The following ATG4B variants were observed in gnomAD, a reference collection of about 807,000 sequenced individuals.
ATG4B encodes the protein cysteine protease ATG4B.
In ATG4B, 29 loss-of-function variants were observed where a neutral mutation model predicts 56.6. The observed-to-expected ratio is 0.51, with a 90% CI of 0.38 to 0.70. The LOEUF is 0.70. Among genes scored for constraint, ATG4B ranks in the 30% least tolerant of loss-of-function variants. The pLI is 0.00. For synonymous variants in ATG4B, 224 were observed against 206.1 expected (o/e 1.09, Z -0.74); for missense variants, 461 against 515.5 (o/e 0.89, Z 1.02).
Position 241,668,349 on chromosome 2 carries a change from T to G in ATG4B, c.811+128T>G. ...AAAAGCAGCATGCCCTGGGGTTCAT[T>G]TTCAGCCTGGTCGCGGGCGGCCTCC... On this transcript the variant is annotated intron_variant, in intron 9 of 12. Coordinates refer to ENST00000404914, the MANE Select transcript of ATG4B (RefSeq NM_013325.5). The surrounding 1 kb of genome is among the most constrained non-coding windows in gnomAD (Gnocchi z 4.2). 7.2e-7 allele frequency: 1 copy of G among 1,392,570 alleles called. No individual in the cohort carries two copies. Among genetic ancestry groups the G allele is most frequent in the Non-Finnish European group, 9.9e-7 (1 of 1,006,596 alleles). The allele number at this position is 1,392,570 out of a possible 1,614,324, so 86.3% of individuals were successfully genotyped here. A position where few individuals can be genotyped will look rare whatever the true frequency, so the allele number is the denominator to read the frequency against.
chr2:241,660,191 G>A (rs921503021), intron 7 of ATG4B, among the ~76,000 whole-genome samples: 6 of 151,988 alleles, frequency 3.9e-5, no homozygotes, highest in Non-Finnish European at 5.9e-5. Context: ...TCCGTCCCCC[G>A]CCCCCCAAAA....
Position 241,668,376 on chromosome 2 carries a change from G to A in ATG4B, c.811+155G>A, listed in dbSNP as rs2068845715. ...TCAGCCTGGTCGCGGGCGGCCTCCT[G>A]TGTGCCCCTTTCCCTGATGGTCTGG... is the stretch of plus-strand genomic sequence containing the variant. On this transcript the variant is annotated intron_variant, in intron 9 of 12. Coordinates refer to ENST00000404914, the MANE Select transcript of ATG4B (RefSeq NM_013325.5). The surrounding 1 kb of genome is among the most constrained non-coding windows in gnomAD (Gnocchi z 4.2). The A allele has an allele frequency of 2.2e-6, 3 of 1,359,368 alleles. No homozygotes were observed. The highest frequency in any genetic ancestry group is 4.1e-5 in the Admixed American group (2 of 48,982). 84.2% of individuals were successfully genotyped at this position (1,359,368 alleles called of 1,614,324 possible).
intron 1 of ATG4B, among the ~76,000 whole-genome samples, chr2:241,647,299 G>C (rs767463202): frequency 2.2e-4 from 33 of 152,110 alleles, no homozygotes; most frequent in Non-Finnish European, 4.0e-4. Flanking sequence ...CAGCAAGATG[G>C]AATCATTGTC....
At chr2:241,669,428 C>T (rs1167975056) in intron 10 of ATG4B, among the ~76,000 whole-genome samples, 3 of 152,218 alleles carry the variant, frequency 2.0e-5, no homozygotes, top group African/African-American at 7.2e-5. Flanking sequence ...CCCCAGAGTG[C>T]ACACCACGCT....
chr2:241,654,419 TAAAAAAAAAA>T (rs201525288), intron 4 of ATG4B, 117 bp from the exon 5 acceptor site: 4 of 437,956 alleles, frequency 9.1e-6, no homozygotes, highest in South Asian at 4.8e-5. Context: ...AGACTCTGTT[TAAAAAAAAAA>T]AAAAAAAAAA....
chr2:241,664,968 AAAGTC>A (rs2068716478), intron 7 of ATG4B, among the ~76,000 whole-genome samples: 1 of 152,064 alleles, frequency 6.6e-6, no homozygotes, highest in African/African-American at 2.4e-5. Flanking sequence ...TCAAAAAAGA[AAAGTC>A]AGGGGGCACA....
At chr2:241,670,444 C>T (rs558879944) in intron 10 of ATG4B, 16 of 510,104 alleles carry the variant, frequency 3.1e-5, no homozygotes, top group Admixed American at 1.6e-4. Context: ...CCGGAACACT[C>T]GGTGAGGTTT....
chr2:241,655,463 C>A, intron 6 of ATG4B, 120 bp downstream of exon 6: 1 of 1,002,186 alleles, frequency 1.0e-6, no homozygotes, highest in South Asian at 1.5e-5. Context: ...TACTTCATGG[C>A]CCTCAGAAGG....
intron 12 of ATG4B, 40 bp from the exon 13 acceptor site, chr2:241,672,151 C>T: frequency 6.4e-7 from 1 of 1,554,178 alleles, no homozygotes. Flanking sequence ...CCAGGTGGCC[C>T]ACCCAAGATG....
chr2:241,666,457 T>C (rs2068774079), intron 7 of ATG4B, 188 bp from the exon 8 acceptor site: 1 of 630,030 alleles, frequency 1.6e-6, no homozygotes, highest in East Asian at 2.8e-5. Flanking sequence ...TATTTCTTTT[T>C]TCTCTGGGTG....
intron 6 of ATG4B, among the ~76,000 whole-genome samples, chr2:241,656,531 C>G (rs959565412): frequency 2.6e-5 from 4 of 152,336 alleles, no homozygotes; most frequent in African/African-American, 9.6e-5. Context: ...CCAGGCCACT[C>G]GCCATGCTCG....
intron 1 of ATG4B, among the ~76,000 whole-genome samples, chr2:241,639,853 G>C (rs190234264): frequency 1.3e-5 from 2 of 152,218 alleles, no homozygotes; most frequent in African/African-American, 4.8e-5. Flanking sequence ...AATAGGTGAA[G>C]GGTGGGGATT....
In ATG4B at chr2:241,673,485, C is replaced by T. The variant is rs577004430; in HGVS notation, c.*1221C>T. 4.3e-4 allele frequency: 181 copies of T among 419,600 alleles called. No homozygotes were observed. Among genetic ancestry groups the T allele is most frequent in the East Asian group, 2.7e-3 (37 of 13,846 alleles). The allele number at this position is 419,600 out of a possible 1,614,324, so 26.0% of individuals were successfully genotyped here. A position where few individuals can be genotyped will look rare whatever the true frequency, so the allele number is the denominator to read the frequency against. On this transcript the variant is annotated 3_prime_UTR_variant, in exon 13 of 13. Coordinates refer to ENST00000404914, the MANE Select transcript of ATG4B (RefSeq NM_013325.5). Reference sequence around the variant, plus strand: ...TGCTGCTGCTGCTGCTTGTGTAGGTCGGGGAGCCAGAGATCCCCGAGGACG... The same window carrying T: ...TGCTGCTGCTGCTGCTTGTGTAGGTTGGGGAGCCAGAGATCCCCGAGGACG...
Position 241,670,798 on chromosome 2 carries a change from A to G in ATG4B, c.1014+16A>G, listed in dbSNP as rs2068943593. The G allele has an allele frequency of 1.9e-6, 3 of 1,602,320 alleles. No homozygotes were observed. The highest frequency in any genetic ancestry group is 8.5e-7 in the Non-Finnish European group (1 of 1,174,472). On this transcript the variant is annotated intron_variant, in intron 11 of 12. Transcript: ENST00000404914. ...AGTCAAAAAGGTTTGTAGCCGCCCC[A>G]CACCCACAGCCGAGCTGAGCCACCC...
intron 1 of ATG4B, among the ~76,000 whole-genome samples, chr2:241,643,738 C>T (rs7424502): frequency 0.14 from 19,673 of 140,778 alleles, 1,559 homozygotes; most frequent in Middle Eastern, 0.26. Context: ...GGCGTGATCT[C>T]GGCTCACTGC....
At chr2:241,640,023 CCT>C (rs2067837207) in intron 1 of ATG4B, among the ~76,000 whole-genome samples, 1 of 152,162 alleles carries the variant, frequency 6.6e-6, no homozygotes, top group African/African-American at 2.4e-5. Context: ...CTGCCTCCTG[CCT>C]CTATCATTTC....
In ATG4B at chr2:241,651,325, T is replaced by G. The variant is rs768230450; in HGVS notation, c.174T>G (p.Phe58Leu). 2 of 1,596,810 alleles carry G rather than the reference T, an allele frequency of 1.3e-6. No individual in the cohort carries two copies. Among genetic ancestry groups the G allele is most frequent in the South Asian group, 2.3e-5 (2 of 88,352 alleles). ...SRLWFTYRKN[F>L]PAIGGTGPTS... ...TTTGGTTTACATACAGGAAAAACTT[T>G]CCAGCCATTGGTAAGTACTCTGTTT... Residue 58 changes from phenylalanine (F) to leucine (L), a missense_variant, in exon 3 of 13, where the codon TTT becomes TTG. Physicochemically the swap from Phe to Leu is conservative, Grantham distance 22. Coordinates refer to ENST00000404914, the MANE Select transcript of ATG4B (RefSeq NM_013325.5). This position sits in a 1 kb window ranked among gnomAD's most constrained non-coding sequence, Gnocchi z 4.1.
At chr2:241,659,686 C>T (rs2068531665) in intron 7 of ATG4B, 1 of 264,294 alleles carries the variant, frequency 3.8e-6, no homozygotes, top group Non-Finnish European at 7.6e-6. Context: ...AAAACTGTGG[C>T]TCAGTTTTAA....
chr2:241,657,902 C>A (rs1436633510), intron 6 of ATG4B, among the ~76,000 whole-genome samples: 1 of 152,210 alleles, frequency 6.6e-6, no homozygotes, highest in Non-Finnish European at 1.5e-5. Context: ...TGGCATGACA[C>A]GTTGTGCTCC....
Sources: allele counts gnomAD v4.1 joint callset (sites outside exome capture counted in the v4.1 genomes callset), GRCh38; gene constraint gnomAD v4.1.1; non-coding constraint Gnocchi (gnomAD v3.1); transcripts MANE v1.5; gene names NCBI Gene and HGNC (gene_info 2026-07-23, HGNC 2026-07-21).